LAX1: variants seen among roughly 807,000 people sequenced by gnomAD.
The protein encoded by LAX1 is lymphocyte transmembrane adaptor 1.
A neutral mutation model predicts 20.7 loss-of-function variants in LAX1; 17 were observed. The observed-to-expected ratio is 0.82, with a 90% confidence interval of 0.56 to 1.23. The LOEUF (loss-of-function observed/expected upper bound fraction) is 1.23. Among genes scored for constraint, LAX1 ranks in the 50% most tolerant of loss-of-function variants. LAX1 has a pLI of 0.00. For missense variants in LAX1, 470 were observed against 487.0 expected, an observed-to-expected ratio of 0.97 and a Z score of 0.33; for synonymous variants, 165 against 181.0, an observed-to-expected ratio of 0.91 and a Z score of 0.71.
In LAX1 at chr1:203,774,772, T is replaced by C; in HGVS notation, c.*91T>C. Reference sequence around the variant, plus strand: ...GTCTAGTGCAGACCCGTGATCACCTTAGTGCTTCAGTGGATTCACTGGTTA... The same window carrying C: ...GTCTAGTGCAGACCCGTGATCACCTCAGTGCTTCAGTGGATTCACTGGTTA... On this transcript the variant is annotated 3_prime_UTR_variant, in exon 5 of 5. Transcript: ENST00000442561. 9.6e-7 allele frequency: 1 copy of C among 1,043,184 alleles called. No individual in the cohort carries two copies. 64.6% of individuals were successfully genotyped at this position (1,043,184 alleles called of 1,614,324 possible). A position where few individuals can be genotyped will look rare whatever the true frequency, so the allele number is the denominator to read the frequency against.
At chr1:203,767,378 G>C (rs1571802051) in intron 1 of LAX1, among the ~76,000 whole-genome samples, 1 of 140,266 alleles carries the variant, frequency 7.1e-6, no homozygotes, top group East Asian at 2.5e-4. Flanking sequence ...TGCAATCTAG[G>C]GTCACTGCAA....
chr1:203,772,643 G>A (rs190531006), intron 4 of LAX1, among the ~76,000 whole-genome samples: 1 of 151,904 alleles, frequency 6.6e-6, no homozygotes, highest in African/African-American at 2.4e-5. Context: ...GGCCAGGATG[G>A]TCTCAATCTC....
In LAX1 at chr1:203,774,037, AT is replaced by A; in HGVS notation, c.556del (p.Ser186LeufsTer21). 6.2e-7 allele frequency: 1 copy of A among 1,614,102 alleles called. No homozygotes were observed. ...NVRASRDCASISSEDSHDYVN... is the reference protein window; with the variant it reads ...NVRASRDCASXSSEDSHDYVN... The stretch of plus-strand genomic sequence containing the variant: ...CAGAGCTTCCAGAGACTGCGCAAGC[AT>A]TTCTTCAGAGGATTCGCATGATTAT... On this transcript the variant is annotated frameshift_variant, in exon 5 of 5. Transcript: ENST00000442561. LOFTEE classifies it low-confidence loss of function (END_TRUNC).
Position 203,770,876 on chromosome 1 carries a change from C to T in LAX1, c.138C>T (p.Leu46=). Residue 46 remains leucine (L), a synonymous_variant, in exon 2 of 5, where the codon CTC becomes CTT. Transcript: ENST00000442561. ...TCTTTTCCGGGTTTGCGGGACTCCTCGCCATCCTCCTGGTCGTTGCGGTTT... is the reference window on the plus strand; with the variant it reads ...TCTTTTCCGGGTTTGCGGGACTCCTTGCCATCCTCCTGGTCGTTGCGGTTT... ...TNIFSGFAGL[L]AILLVVAVFC... is the part of the protein sequence containing the mutation. 2 of 1,614,192 alleles carry T rather than the reference C, an allele frequency of 1.2e-6. No individual in the cohort carries two copies. The highest frequency in any genetic ancestry group is 1.1e-5 in the South Asian group (1 of 91,082).
Position 203,774,433 on chromosome 1 carries a change from A to T in LAX1, c.949A>T (p.Asn317Tyr). 6.2e-7 allele frequency: 1 copy of T among 1,614,218 alleles called. No individual in the cohort carries two copies. The highest frequency in any genetic ancestry group is 8.5e-7 in the Non-Finnish European group (1 of 1,180,036). ...QQAEKDVPSS[N>Y]IGHVEDKTDD... ...GGCTGAGAAAGATGTGCCATCCTCA[A>T]ACATAGGTCATGTCGAGGACAAGAC... The change falls in exon 5 of 5, where the codon AAC (asparagine) becomes TAC (tyrosine). Residue 317 changes from asparagine to tyrosine, a missense_variant. Transcript: ENST00000442561.
At chr1:203,770,773 C>A in intron 1 of LAX1, 55 bp from the exon 2 acceptor site, 1 of 1,410,300 alleles carries the variant, frequency 7.1e-7, no homozygotes, top group Non-Finnish European at 1.0e-6. Flanking sequence ...GAAATGTCTC[C>A]TCCAGCCTCT....
At chr1:203,771,233 G>T (rs1428229647) in intron 2 of LAX1, 134 bp from the exon 3 acceptor site, 4 of 722,308 alleles carry the variant, frequency 5.5e-6, no homozygotes, top group Admixed American at 2.1e-5. Context: ...CCTGTAGCTT[G>T]AGTCTGAAAG....
At chr1:203,769,449 G>GA (rs1441894221) in intron 1 of LAX1, among the ~76,000 whole-genome samples, 8 of 116,452 alleles carry the variant, frequency 6.9e-5, no homozygotes, top group African/African-American at 2.0e-4. Context: ...AAGAAGGAAA[G>GA]AAAGAAAAGA....
chr1:203,771,153 C>G (rs1346028958), intron 2 of LAX1, among the ~76,000 whole-genome samples: 1 of 152,188 alleles, frequency 6.6e-6, no homozygotes, highest in Non-Finnish European at 1.5e-5. Context: ...TGCCCTGGTG[C>G]CCCTGTGTCC....
chr1:203,770,172 C>A lies in LAX1; in HGVS notation c.90-656C>A, dbSNP rs1313129159. Among the ~76,000 whole-genome samples, 3 of 151,822 alleles carry A rather than the reference C, an allele frequency of 2.0e-5. No homozygotes were observed. In the South Asian group the frequency reaches 6.2e-4, roughly 32 times the overall value. Reference sequence around the variant, plus strand: ...GTGGCTCACACCTGTAATTCCAGCACTTTGGGAGGCCAAGGCGGGCAGATG... The same window carrying A: ...GTGGCTCACACCTGTAATTCCAGCAATTTGGGAGGCCAAGGCGGGCAGATG... On this transcript the variant is annotated intron_variant, in intron 1 of 4. Coordinates refer to ENST00000442561, the MANE Select transcript of LAX1 (RefSeq NM_017773.4).
chr1:203,770,572 ATT>A (rs1393568745), intron 1 of LAX1, among the ~76,000 whole-genome samples: 6 of 151,160 alleles, frequency 4.0e-5, no homozygotes, highest in African/African-American at 1.5e-4. Flanking sequence ...AAAGAAAGAG[ATT>A]AATAAGTTTC....
Position 203,774,870 on chromosome 1 carries a change from G to A in LAX1, c.*189G>A. On this transcript the variant is annotated 3_prime_UTR_variant, in exon 5 of 5. Coordinates refer to ENST00000442561, the MANE Select transcript of LAX1 (RefSeq NM_017773.4). ...AGCAGAGGTTTGGGAATTCCAGAAG[G>A]GAATTCTTCTCAAGCAGAGTGTGGT... 1.7e-6 allele frequency: 1 copy of A among 590,866 alleles called. No homozygotes were observed. The highest frequency in any genetic ancestry group is 3.0e-6 in the Non-Finnish European group (1 of 335,926). The allele number at this position is 590,866 out of a possible 1,614,324, so 36.6% of individuals were successfully genotyped here. A position where few individuals can be genotyped will look rare whatever the true frequency, so the allele number is the denominator to read the frequency against.
rs1667487421 is a variant in LAX1, at chr1:203,774,967, T to C, written c.*286T>C. The C allele has an allele frequency of 2.3e-6, 1 of 431,632 alleles. No individual in the cohort carries two copies. Among genetic ancestry groups the C allele is most frequent in the Non-Finnish European group, 4.1e-6 (1 of 241,616 alleles). 26.7% of individuals were successfully genotyped at this position (431,632 alleles called of 1,614,324 possible). A position where few individuals can be genotyped will look rare whatever the true frequency, so the allele number is the denominator to read the frequency against. ...AACTGTGAAGAAAGCAGGAAAGTAG[T>C]GCACAGTAGTCTAAGATTATTACCT... On this transcript the variant is annotated 3_prime_UTR_variant, in exon 5 of 5. Coordinates refer to ENST00000442561, the MANE Select transcript of LAX1 (RefSeq NM_017773.4).
rs1473365173 is a variant in LAX1, at chr1:203,775,378, G to A, written c.*697G>A. 6 of 147,272 alleles carry A rather than the reference G, an allele frequency of 4.1e-5. No homozygotes were observed. Among genetic ancestry groups the A allele is most frequent in the African/African-American group, 1.5e-4 (6 of 39,818 alleles). 9.1% of individuals were successfully genotyped at this position (147,272 alleles called of 1,614,324 possible). A position where few individuals can be genotyped will look rare whatever the true frequency, so the allele number is the denominator to read the frequency against. ...CACTGTACTCCAGCCTGGTGACAGA[G>A]CGAGACTCCCTCTCAAAAAAAAAAA... is the stretch of plus-strand genomic sequence containing the variant. On this transcript the variant is annotated 3_prime_UTR_variant, in exon 5 of 5. Transcript: ENST00000442561.
At position 203,768,182 on chromosome 1, in the gene LAX1, G is replaced by A. The variant is rs371707883; in HGVS notation, c.89+2528G>A. On this transcript the variant is annotated intron_variant, in intron 1 of 4. Transcript: ENST00000442561. ...AAAAATTAGCCAGGCGTGGTGGTGCGTACCTGTAGTCCCAGCTACTCGGGA... is the reference window on the plus strand; with the variant it reads ...AAAAATTAGCCAGGCGTGGTGGTGCATACCTGTAGTCCCAGCTACTCGGGA... Among the ~76,000 whole-genome samples, 11 of 152,088 alleles carry A rather than the reference G, an allele frequency of 7.2e-5. No individual in the cohort carries two copies. In the East Asian group the frequency reaches 9.7e-4, roughly 13 times the overall value.
intron 1 of LAX1, among the ~76,000 whole-genome samples, chr1:203,768,034 G>A (rs1667332844): frequency 6.6e-6 from 1 of 152,124 alleles, no homozygotes. Flanking sequence ...AATCGGGCTG[G>A]GTGAGGTGGC....
Position 203,775,687 on chromosome 1 carries a change from G to T in LAX1, c.*1006G>T, listed in dbSNP as rs1306391810. 1 of 152,120 alleles carries T rather than the reference G, an allele frequency of 6.6e-6. No individual in the cohort carries two copies. The highest frequency in any genetic ancestry group is 2.1e-4 in the South Asian group (1 of 4,832). The allele number at this position is 152,120 out of a possible 1,614,324, so 9.4% of individuals were successfully genotyped here. ...GAAATAACCCAGATATCCTTCAACAGGTGATTGGATAAGCTGTTGATATCC... is the reference window on the plus strand; with the variant it reads ...GAAATAACCCAGATATCCTTCAACATGTGATTGGATAAGCTGTTGATATCC... On this transcript the variant is annotated 3_prime_UTR_variant, in exon 5 of 5. Coordinates refer to ENST00000442561, the MANE Select transcript of LAX1 (RefSeq NM_017773.4).
In LAX1 at chr1:203,773,889, C is replaced by T. The variant is rs199779706; in HGVS notation, c.405C>T (p.Gly135=). The stretch of plus-strand genomic sequence containing the variant: ...CTTCTTCATAGCCCTCCCAAGCAGG[C>T]AATGCCTTCCAGGAGCATACAGCCC... ...ESPEHVPSQA[G]NAFQEHTAHI... Residue 135 remains glycine (G), a synonymous_variant, in exon 5 of 5, where the codon GGC becomes GGT. Transcript: ENST00000442561. The T allele has an allele frequency of 2.2e-5, 35 of 1,606,244 alleles. No homozygotes were observed. The African/African-American group carries it at 4.3e-4, about 20-fold the overall frequency.
Position 203,765,243 on chromosome 1 carries a change from G to A in LAX1, c.-323G>A. The A allele has an allele frequency of 9.4e-7, 1 of 1,065,596 alleles. No individual in the cohort carries two copies. The highest frequency in any genetic ancestry group is 1.4e-6 in the Non-Finnish European group (1 of 710,356). The allele number at this position is 1,065,596 out of a possible 1,614,324, so 66.0% of individuals were successfully genotyped here. A position where few individuals can be genotyped will look rare whatever the true frequency, so the allele number is the denominator to read the frequency against. On this transcript the variant is annotated 5_prime_UTR_variant, in exon 1 of 5. Coordinates refer to ENST00000442561, the MANE Select transcript of LAX1 (RefSeq NM_017773.4). ...CACGGAGCCTCTCTTGAGCCTCTTGGCAGTTTCCCCCTCTGTGCCCCTCAC... is the reference window on the plus strand; with the variant it reads ...CACGGAGCCTCTCTTGAGCCTCTTGACAGTTTCCCCCTCTGTGCCCCTCAC...
Sources: gnomAD v4.1 joint callset for allele counts (sites outside exome capture counted in the v4.1 genomes callset) on GRCh38, gnomAD v4.1.1 for gene constraint, MANE v1.5 for transcripts, NCBI Gene and HGNC (gene_info 2026-07-23, HGNC 2026-07-21) for gene names.